RPN2: variants seen among roughly 807,000 people sequenced by gnomAD.
The protein encoded by RPN2 is dolichyl-diphosphooligosaccharide--protein glycosyltransferase subunit 2.
A neutral mutation model predicts 71.4 loss-of-function variants in RPN2; 29 were observed. That is an observed-to-expected ratio of 0.41 (90% CI 0.30 to 0.55). The LOEUF is 0.55. Ranked by LOEUF, RPN2 falls within the 20% of genes least tolerant of loss-of-function variation. The probability of loss-of-function intolerance (pLI) is 0.35; values close to 1 mark genes in which losing one functional copy is unlikely to be tolerated. For missense variants in RPN2, 726 were observed against 774.1 expected (o/e 0.94, Z 0.74); for synonymous variants, 308 against 305.0 (o/e 1.01, Z -0.10).
intron 2 of RPN2, among the ~76,000 whole-genome samples, chr20:37,191,620 T>C (rs1322127589): frequency 6.6e-6 from 1 of 151,680 alleles, no homozygotes; most frequent in Non-Finnish European, 1.5e-5. Context: ...ACAAAAAAAT[T>C]AGCTGGGCGT....
At chr20:37,236,761 T>C in intron 16 of RPN2, 52 bp downstream of exon 16, 1 of 1,576,296 alleles carries the variant, frequency 6.3e-7, no homozygotes, top group Non-Finnish European at 8.7e-7. Flanking sequence ...AATACTCAGC[T>C]CTGCCGGCCT....
At chr20:37,190,466 A>C (rs2067115471) in intron 2 of RPN2, among the ~76,000 whole-genome samples, 1 of 152,062 alleles carries the variant, frequency 6.6e-6, no homozygotes, top group African/African-American at 2.4e-5. Context: ...AACCTTTCAA[A>C]ATTGTTGTTC....
At position 37,216,892 on chromosome 20, in the gene RPN2, TA is replaced by T. The variant is rs143336782; in HGVS notation, c.1092+3028del. Among the ~76,000 whole-genome samples the T allele has an allele frequency of 4.9e-3, 745 of 152,214 alleles. 8 individuals carry two copies. The highest frequency in any genetic ancestry group is 0.017 in the African/African-American group (707 of 41,532). ...TATAATTGTACTTATTGCATTATAT[TA>T]CCATTGTTTGTTTATATGCATTGCT... On this transcript the variant is annotated intron_variant, in intron 9 of 16. Coordinates refer to ENST00000237530, the MANE Select transcript of RPN2 (RefSeq NM_002951.5).
rs6017569 is a variant in RPN2, at chr20:37,230,585, A to G, written c.1581+526A>G. ...TAAAGCCCTTTCCAAAATAAACACA[A>G]TAATTGTTAAACACTTTGGATACTG... On this transcript the variant is annotated intron_variant, in intron 13 of 16. Transcript: ENST00000237530. Among the ~76,000 whole-genome samples the G allele has an allele frequency of 4.9e-3, 747 of 152,316 alleles. 8 individuals carry two copies. The highest frequency in any genetic ancestry group is 0.017 in the African/African-American group (707 of 41,558).
At chr20:37,196,080 A>G (rs924718579) in intron 2 of RPN2, among the ~76,000 whole-genome samples, 1 of 151,070 alleles carries the variant, frequency 6.6e-6, no homozygotes, top group African/African-American at 2.4e-5. Context: ...TTTTGGTGGG[A>G]GAGGAGTCTC....
chr20:37,200,495 GT>G (rs760841196), intron 4 of RPN2: 1 of 532,960 alleles, frequency 1.9e-6, no homozygotes, highest in Non-Finnish European at 3.9e-6. Context: ...TTAGCAAGAG[GT>G]TGGTGATACC....
At chr20:37,238,174 A>G (rs2068452615) in intron 16 of RPN2, among the ~76,000 whole-genome samples, 1 of 152,190 alleles carries the variant, frequency 6.6e-6, no homozygotes, top group African/African-American at 2.4e-5. Context: ...TTTTATCAGA[A>G]TCCCAGAAGG....
chr20:37,216,384 G>T (rs1170177466), intron 9 of RPN2, among the ~76,000 whole-genome samples: 1 of 152,162 alleles, frequency 6.6e-6, no homozygotes, highest in Non-Finnish European at 1.5e-5. Context: ...TTGCTAGACT[G>T]TGTTTTTTAT....
chr20:37,232,017 T>A (rs2068261709), intron 13 of RPN2, among the ~76,000 whole-genome samples: 1 of 152,150 alleles, frequency 6.6e-6, no homozygotes, highest in African/African-American at 2.4e-5. Context: ...GATTGCATTC[T>A]CTGGCCTCTG....
intron 9 of RPN2, 70 bp downstream of exon 9, chr20:37,213,935 T>C: frequency 8.8e-7 from 1 of 1,139,086 alleles, no homozygotes. Flanking sequence ...TGACACAGTA[T>C]TAATTGTCTG....
chr20:37,180,619 C>CA (rs1482473592), intron 1 of RPN2, among the ~76,000 whole-genome samples: 3 of 152,180 alleles, frequency 2.0e-5, no homozygotes, highest in Non-Finnish European at 4.4e-5. Context: ...CCCGCCTGTG[C>CA]ACAAGGCATT....
chr20:37,196,337 T>G (rs1163292889), intron 2 of RPN2, among the ~76,000 whole-genome samples: 1 of 152,078 alleles, frequency 6.6e-6, no homozygotes, highest in African/African-American at 2.4e-5. Flanking sequence ...CACATCAGTC[T>G]CCCGCCTCAA....
At chr20:37,196,525 G>A (rs2067261063) in intron 2 of RPN2, among the ~76,000 whole-genome samples, 4 of 151,978 alleles carry the variant, frequency 2.6e-5, no homozygotes, top group Non-Finnish European at 5.9e-5. Context: ...GAGCCACCGC[G>A]CCCAGCCTTT....
In RPN2 at chr20:37,198,635, T is replaced by TC. The variant is rs3067010; in HGVS notation, c.303+145dup. ...AATTCCATTCCTGTGATTTTTTTTT[T>TC]CCTTAAGAAAGTATAGTTTATGTTT... On this transcript the variant is annotated intron_variant, in intron 3 of 16. Coordinates refer to ENST00000237530, the MANE Select transcript of RPN2 (RefSeq NM_002951.5). 9 of 1,452,918 alleles carry TC rather than the reference T, an allele frequency of 6.2e-6. No individual in the cohort carries two copies. In the Admixed American group the frequency reaches 2.3e-4, roughly 37 times the overall value. The allele number at this position is 1,452,918 out of a possible 1,614,324, so 90.0% of individuals were successfully genotyped here. A position where few individuals can be genotyped will look rare whatever the true frequency, so the allele number is the denominator to read the frequency against.
chr20:37,184,147 G>T, intron 1 of RPN2, 33 bp from the exon 2 acceptor site: 1 of 1,612,720 alleles, frequency 6.2e-7, no homozygotes, highest in African/African-American at 1.3e-5. Context: ...TTGGAAGAGT[G>T]TAGAGTGTAC....
intron 12 of RPN2, 59 bp from the exon 13 acceptor site, chr20:37,229,914 A>G (rs1218484171): frequency 2.4e-5 from 30 of 1,250,392 alleles, no homozygotes; most frequent in African/African-American, 7.4e-5. Flanking sequence ...AATATTATCT[A>G]TTGAGTTTCA....
intron 9 of RPN2, among the ~76,000 whole-genome samples, chr20:37,223,206 TG>T (rs1319868074): frequency 2.0e-5 from 3 of 152,194 alleles, no homozygotes; most frequent in African/African-American, 7.2e-5. Flanking sequence ...CTTGACTCCA[TG>T]GGGGCAGGGA....
intron 9 of RPN2, among the ~76,000 whole-genome samples, chr20:37,219,948 A>G (rs2067910253): frequency 1.3e-5 from 2 of 152,334 alleles, no homozygotes; most frequent in South Asian, 4.1e-4. Context: ...CGCTGTCTTG[A>G]TTACTGTAAC....
intron 2 of RPN2, among the ~76,000 whole-genome samples, chr20:37,194,287 G>C (rs2067208148): frequency 6.6e-6 from 1 of 151,838 alleles, no homozygotes; most frequent in Non-Finnish European, 1.5e-5. Flanking sequence ...TTGTTTGAAA[G>C]TTTCGCTCTT....
Sources: allele counts gnomAD v4.1 joint callset (sites outside exome capture counted in the v4.1 genomes callset), GRCh38; gene constraint gnomAD v4.1.1; transcripts MANE v1.5; gene names NCBI Gene and HGNC (gene_info 2026-07-23, HGNC 2026-07-21).